The following RAP1GAP2 variants were observed in gnomAD, a reference collection of about 807,000 sequenced individuals.
RAP1GAP2 encodes rap1 GTPase-activating protein 2.
In RAP1GAP2, 27 loss-of-function variants were observed where a neutral mutation model predicts 95.0. That is an observed-to-expected ratio of 0.28 (90% CI 0.21 to 0.39). The LOEUF (loss-of-function observed/expected upper bound fraction) is 0.39. RAP1GAP2 is among the 10% of genes least tolerant of loss of function. The pLI, the probability that RAP1GAP2 is intolerant of heterozygous loss-of-function variation, is 1.00. For missense variants in RAP1GAP2, 771 were observed against 970.0 expected, an observed-to-expected ratio of 0.79 and a Z score of 2.72; for synonymous variants, 373 against 380.9, an observed-to-expected ratio of 0.98 and a Z score of 0.24.
chr17:2,947,925 C>T (rs375750892), intron 3 of RAP1GAP2, among the ~76,000 whole-genome samples: 2 of 152,144 alleles, frequency 1.3e-5, no homozygotes, highest in African/African-American at 2.4e-5. Context: ...CTTTCTGGCC[C>T]GCATCTCCCC....
At chr17:2,909,370 G>T (rs1246175078) in intron 3 of RAP1GAP2, among the ~76,000 whole-genome samples, 1 of 152,144 alleles carries the variant, frequency 6.6e-6, no homozygotes, top group East Asian at 1.9e-4. Context: ...CCTGGGAGGG[G>T]TGGGGCGGAC....
At chr17:2,918,877 C>A (rs917270677) in intron 3 of RAP1GAP2, among the ~76,000 whole-genome samples, 2 of 152,138 alleles carry the variant, frequency 1.3e-5, no homozygotes, top group Non-Finnish European at 2.9e-5. Flanking sequence ...GATAATATGC[C>A]TTTATTGCTT....
chr17:2,946,793 C>T lies in RAP1GAP2; in HGVS notation c.166-10966C>T, dbSNP rs185012922. On this transcript the variant is annotated intron_variant, in intron 3 of 24. Coordinates refer to ENST00000254695, the MANE Select transcript of RAP1GAP2 (RefSeq NM_015085.5). ...TTTTTGAGACAGAGTTTTGCTCCTT[C>T]GCCCAGGCTGGCGTGCAGTGGCGTG... Among the ~76,000 whole-genome samples the T allele has an allele frequency of 4.1e-3, 632 of 152,332 alleles. 8 individuals are homozygous for T. Among genetic ancestry groups the T allele is most frequent in the African/African-American group, 0.013 (543 of 41,576 alleles).
At chr17:2,795,509 C>T (rs1041875912), upstream of RAP1GAP2, among the ~76,000 whole-genome samples, 7 of 152,274 alleles carry the variant, frequency 4.6e-5, no homozygotes, top group East Asian at 1.9e-4. Context: ...CAAATCCACC[C>T]GCACATGGGT....
At chr17:2,826,322 CAGTA>C (rs1205850627) in intron 2 of RAP1GAP2, among the ~76,000 whole-genome samples, 1 of 151,662 alleles carries the variant, frequency 6.6e-6, no homozygotes, top group Non-Finnish European at 1.5e-5. Flanking sequence ...ACTGAGGAAA[CAGTA>C]AGGGCAAAGG....
intron 3 of RAP1GAP2, among the ~76,000 whole-genome samples, chr17:2,943,060 C>T (rs888425883): frequency 6.6e-6 from 1 of 152,074 alleles, no homozygotes; most frequent in African/African-American, 2.4e-5. Flanking sequence ...TGAACCACCA[C>T]ACCTGACCTA....
In RAP1GAP2 at chr17:3,003,146, T is replaced by A. The variant is rs981481079; in HGVS notation, c.1201-2223T>A. On this transcript the variant is annotated intron_variant, in intron 14 of 24. Transcript: ENST00000254695. The surrounding 1 kb of genome is among the most constrained non-coding windows in gnomAD (Gnocchi z 4.1). ...AATGGAAGCTGAGAGCTGAACCCAC[T>A]TAAGGCCTGAGGCCACAGAGCCAGG... Among the ~76,000 whole-genome samples the A allele has an allele frequency of 6.6e-6, 1 of 152,144 alleles. No individual in the cohort carries two copies. The highest frequency in any genetic ancestry group is 1.5e-5 in the Non-Finnish European group (1 of 68,034).
intron 2 of RAP1GAP2, among the ~76,000 whole-genome samples, chr17:2,837,429 G>T (rs911045355): frequency 6.6e-6 from 1 of 151,912 alleles, no homozygotes; most frequent in African/African-American, 2.4e-5. Flanking sequence ...GTCAGCTAGA[G>T]GAAGGGGCCT....
At chr17:3,018,375 G>A (rs9892227) in intron 18 of RAP1GAP2, among the ~76,000 whole-genome samples, 177 bp downstream of exon 18, 139,053 of 152,078 alleles carry the variant, frequency 0.91, 63,797 homozygotes, top group Non-Finnish European at 0.95. Flanking sequence ...TCTGAAAACG[G>A]TCCTTTGGAG....
intron 2 of RAP1GAP2, among the ~76,000 whole-genome samples, chr17:2,852,607 A>G (rs1597440437): frequency 6.6e-6 from 1 of 151,660 alleles, no homozygotes; most frequent in African/African-American, 2.4e-5. Flanking sequence ...AACAAAAAAC[A>G]AAACAACAAC....
intron 8 of RAP1GAP2, among the ~76,000 whole-genome samples, chr17:2,972,797 A>T (rs1029929060): frequency 9.9e-5 from 15 of 152,160 alleles, no homozygotes; most frequent in Non-Finnish European, 2.2e-4. Context: ...CCAATGCAGG[A>T]TGGTTAATAT....
intron 1 of RAP1GAP2, among the ~76,000 whole-genome samples, chr17:2,781,816 C>G (rs934439158): frequency 6.7e-6 from 1 of 148,496 alleles, no homozygotes; most frequent in Non-Finnish European, 1.5e-5. Context: ...GTGCACGTCT[C>G]TGTGTGTGCA....
At chr17:2,977,746 TAAAAAAAAAAA>T (rs35219186) in intron 8 of RAP1GAP2, among the ~76,000 whole-genome samples, 11 of 76,860 alleles carry the variant, frequency 1.4e-4, no homozygotes, top group Middle Eastern at 8.8e-3. Flanking sequence ...GACTCCGTCT[TAAAAAAAAAAA>T]AAAAAAAAAA....
At chr17:2,910,858 C>A (rs964404367) in intron 3 of RAP1GAP2, among the ~76,000 whole-genome samples, 1 of 152,144 alleles carries the variant, frequency 6.6e-6, no homozygotes, top group Non-Finnish European at 1.5e-5. Context: ...ACCACCACAC[C>A]CCGCTAATTT....
chr17:2,923,629 C>T (rs1436982857), intron 3 of RAP1GAP2, among the ~76,000 whole-genome samples: 12 of 150,826 alleles, frequency 8.0e-5, no homozygotes, highest in East Asian at 7.8e-4. Flanking sequence ...CCAATGTGCC[C>T]GGCTGTTTTC....
intron 1 of RAP1GAP2, among the ~76,000 whole-genome samples, chr17:2,778,602 C>T (rs907646661): frequency 6.6e-6 from 1 of 152,042 alleles, no homozygotes; most frequent in Admixed American, 6.6e-5. Context: ...GGGAAAGGGA[C>T]CCTGGCATGG....
chr17:3,027,952 C>T lies in RAP1GAP2; in HGVS notation c.2107+882C>T. On this transcript the variant is annotated intron_variant, in intron 22 of 24. Coordinates refer to ENST00000254695, the MANE Select transcript of RAP1GAP2 (RefSeq NM_015085.5). This position sits in a 1 kb window ranked among gnomAD's most constrained non-coding sequence, Gnocchi z 5.2. ...CAGTTGGTCAGAATAGGGGGGCCAGCACCTGAGGGCCGTTCAGGTAGACCT... is the reference window on the plus strand; with the variant it reads ...CAGTTGGTCAGAATAGGGGGGCCAGTACCTGAGGGCCGTTCAGGTAGACCT... Among the ~76,000 whole-genome samples, 1 of 152,064 alleles carries T rather than the reference C, an allele frequency of 6.6e-6. No homozygotes were observed. Among genetic ancestry groups the T allele is most frequent in the East Asian group, 1.9e-4 (1 of 5,180 alleles).
At chr17:2,762,234 G>A (rs375841172) in intron 1 of RAP1GAP2, among the ~76,000 whole-genome samples, 14 of 151,658 alleles carry the variant, frequency 9.2e-5, no homozygotes, top group Admixed American at 7.2e-4. Flanking sequence ...TGATCCACCT[G>A]CCTCGGCCTC....
rs178565 is a variant in RAP1GAP2, at chr17:2,797,334, G to A, written c.44+763G>A. On this transcript the variant is annotated intron_variant, in intron 1 of 24. Coordinates refer to ENST00000254695, the MANE Select transcript of RAP1GAP2 (RefSeq NM_015085.5). The surrounding 1 kb of genome is among the most constrained non-coding windows in gnomAD (Gnocchi z 5.6). ...ATGTGCTTTTTCTTCCCGGCGGGGG[G>A]CAGAAGGTAGGCACACGAAGGCCAA... Among the ~76,000 whole-genome samples the A allele has an allele frequency of 0.23, 35,239 of 152,110 alleles. 5,182 individuals carry two copies. Among genetic ancestry groups the A allele is most frequent in the Non-Finnish European group, 0.32 (22,082 of 67,952 alleles).
Sources: allele counts gnomAD v4.1 joint callset (sites outside exome capture counted in the v4.1 genomes callset), GRCh38; gene constraint gnomAD v4.1.1; non-coding constraint Gnocchi (gnomAD v3.1); transcripts MANE v1.5; gene names NCBI Gene and HGNC (gene_info 2026-07-23, HGNC 2026-07-21).